DAB1: variants seen among roughly 807,000 people sequenced by gnomAD.
DAB1 encodes disabled homolog 1.
Under a neutral mutation model 64.6 loss-of-function variants are expected in DAB1, and 15 were observed. The observed-to-expected ratio is 0.23, with a 90% CI of 0.16 to 0.36. The LOEUF (loss-of-function observed/expected upper bound fraction) is 0.36, where lower values mean the gene tolerates loss of function less well. Ranked by LOEUF, DAB1 falls within the 10% of genes least tolerant of loss-of-function variation. The pLI is 1.00. For missense variants in DAB1, 596 were observed against 706.7 expected (o/e 0.84, Z 1.78); for synonymous variants, 235 against 251.9 (o/e 0.93, Z 0.64).
chr1:57,916,405 A>T (rs186150657), intron 5 of DAB1, among the ~76,000 whole-genome samples: 1 of 152,336 alleles, frequency 6.6e-6, no homozygotes, highest in African/African-American at 2.4e-5. Context: ...ATGTTCAAAA[A>T]CCAAGAGCAA....
intron 2 of DAB1, among the ~76,000 whole-genome samples, chr1:57,207,265 A>C (rs1665641433): frequency 6.6e-6 from 1 of 151,244 alleles, no homozygotes; most frequent in African/African-American, 2.4e-5. Flanking sequence ...CACTGCTCCC[A>C]GCCCACACTC....
At chr1:57,985,652 A>G (rs1008378537) in intron 5 of DAB1, among the ~76,000 whole-genome samples, 6 of 152,180 alleles carry the variant, frequency 3.9e-5, no homozygotes, top group African/African-American at 1.2e-4. Flanking sequence ...AGAAAGAAAA[A>G]AAAAAAATGG....
chr1:58,203,346 T>C (rs1471763027), intron 4 of DAB1, among the ~76,000 whole-genome samples: 1 of 152,190 alleles, frequency 6.6e-6, no homozygotes. Flanking sequence ...AGGATGGGTT[T>C]GCAACAAACC....
rs537539861 is a variant in DAB1, at chr1:57,954,252, ACT to A, written n.388-70092_388-70091del. Among the ~76,000 whole-genome samples, 9 of 152,106 alleles carry A rather than the reference ACT, an allele frequency of 5.9e-5. No individual in the cohort carries two copies. In the South Asian group the frequency reaches 1.9e-3, roughly 32 times the overall value. ...TCCCTTCCAGAAATAGTTAAGAAAC[ACT>A]CTCTTCCATGATCCAAAGCATACAG... is the stretch of plus-strand genomic sequence containing the variant. On this transcript the variant is annotated intron_variant and non_coding_transcript_variant, in intron 5 of 20. Transcript: ENST00000485760.
At chr1:58,262,483 G>T (rs781103712) in intron 4 of DAB1, among the ~76,000 whole-genome samples, 21 of 152,142 alleles carry the variant, frequency 1.4e-4, no homozygotes, top group Non-Finnish European at 2.8e-4. Context: ...TACTGGGGAG[G>T]CTGAGGCAGG....
At chr1:57,755,463 G>C (rs963166108) in intron 6 of DAB1, among the ~76,000 whole-genome samples, 7 of 152,264 alleles carry the variant, frequency 4.6e-5, no homozygotes, top group Middle Eastern at 3.4e-3. Context: ...GGATATGTGA[G>C]AACAAAATTG....
intron 4 of DAB1, among the ~76,000 whole-genome samples, chr1:58,240,996 G>C (rs183976085): frequency 2.2e-3 from 336 of 152,136 alleles, no homozygotes; most frequent in African/African-American, 7.7e-3. Context: ...ATAAAAAATA[G>C]ATATGAGAAT....
At chr1:57,579,703 C>T (rs72908524) in intron 7 of DAB1, among the ~76,000 whole-genome samples, 4,991 of 152,190 alleles carry the variant, frequency 0.033, 311 homozygotes, top group African/African-American at 0.11. Flanking sequence ...GCAGAGAGGA[C>T]AGTGGGAACC....
rs1428381878 is a variant in DAB1 at position 58,490,909 on chromosome 1, C to A, written n.257+15151G>T. ...CAAGCTCTGCCTCCTGGGTTCACACCATTCTCCTGCCTCAGCCTTCCGAGT... is the reference window on the plus strand; with the variant it reads ...CAAGCTCTGCCTCCTGGGTTCACACAATTCTCCTGCCTCAGCCTTCCGAGT... On this transcript the variant is annotated intron_variant and non_coding_transcript_variant, in intron 3 of 20. Coordinates refer to the DAB1 transcript ENST00000485760. Among the ~76,000 whole-genome samples the A allele has an allele frequency of 2.1e-5, 3 of 145,904 alleles. No individual in the cohort carries two copies. In the East Asian group the frequency reaches 6.2e-4, roughly 30 times the overall value.
intron 1 of DAB1, among the ~76,000 whole-genome samples, chr1:57,836,205 T>A (rs1452366403): frequency 6.6e-6 from 1 of 152,160 alleles, no homozygotes; most frequent in East Asian, 1.9e-4. Context: ...ATTATTATGA[T>A]CCCTATAACA....
At chr1:57,659,503 G>A (rs1304835179) in intron 6 of DAB1, among the ~76,000 whole-genome samples, 3 of 152,118 alleles carry the variant, frequency 2.0e-5, no homozygotes, top group Admixed American at 2.0e-4. Flanking sequence ...TTTGGGATAG[G>A]TCAGGAAACA....
chr1:57,401,362 G>T (rs1469081603), intron 1 of DAB1, among the ~76,000 whole-genome samples: 1 of 152,128 alleles, frequency 6.6e-6, no homozygotes, highest in South Asian at 2.1e-4. Context: ...TTTATTAAGT[G>T]CATAATTCAA....
intron 6 of DAB1, among the ~76,000 whole-genome samples, chr1:57,732,717 G>A (rs112225456): frequency 4.6e-5 from 7 of 152,238 alleles, no homozygotes; most frequent in Admixed American, 2.0e-4. Context: ...ACTGCTGTCC[G>A]GGACAGGACA....
chr1:57,934,095 G>C (rs1644991706), intron 5 of DAB1, among the ~76,000 whole-genome samples: 1 of 150,940 alleles, frequency 6.6e-6, no homozygotes, highest in Non-Finnish European at 1.5e-5. Flanking sequence ...GTGTGTGTGT[G>C]TGTGTGTGTT....
At chr1:58,083,150 A>T (rs1650101146) in intron 5 of DAB1, among the ~76,000 whole-genome samples, 1 of 152,132 alleles carries the variant, frequency 6.6e-6, no homozygotes. Flanking sequence ...ATTTATGGTG[A>T]AGAAATAAAG....
At chr1:57,320,005 C>A (rs1246370611) in intron 1 of DAB1, among the ~76,000 whole-genome samples, 3 of 152,144 alleles carry the variant, frequency 2.0e-5, no homozygotes, top group Non-Finnish European at 4.4e-5. Flanking sequence ...CTGATAACAA[C>A]TTTGAACTAT....
rs927296271 is a variant in DAB1, at chr1:57,830,456, C to T, written n.88-4001G>A. ...AAGGCAACAGAGCAAGTAGTAGAGG[C>T]AGGATTTAAACCCAGGCAGCGTGAC... On this transcript the variant is annotated intron_variant and non_coding_transcript_variant, in intron 1 of 1. Transcript: ENST00000477280. Among the ~76,000 whole-genome samples the T allele has an allele frequency of 4.9e-4, 75 of 152,264 alleles. 1 individual carries two copies. Among genetic ancestry groups the T allele is most frequent in the African/African-American group, 1.7e-3 (71 of 41,560 alleles).
chr1:58,009,574 T>C (rs1646637988), intron 5 of DAB1, among the ~76,000 whole-genome samples: 1 of 152,182 alleles, frequency 6.6e-6, no homozygotes, highest in Admixed American at 6.5e-5. Flanking sequence ...TATCAAGTAT[T>C]GTAAGAAAAA....
intron 1 of DAB1, among the ~76,000 whole-genome samples, chr1:57,355,975 T>C (rs1262174360): frequency 6.6e-6 from 1 of 152,032 alleles, no homozygotes; most frequent in African/African-American, 2.4e-5. Flanking sequence ...TAGTTTTTCC[T>C]CTTCCCTACT....
Sources: gnomAD v4.1 joint callset for allele counts (sites outside exome capture counted in the v4.1 genomes callset) on GRCh38, gnomAD v4.1.1 for gene constraint, MANE v1.5 for transcripts, NCBI Gene and HGNC (gene_info 2026-07-23, HGNC 2026-07-21) for gene names.